The following SLC6A12 variants were observed in gnomAD, a reference collection of about 807,000 sequenced individuals.
The protein encoded by SLC6A12 is solute carrier family 6 member 12, also known as sodium- and chloride-dependent betaine transporter.
SLC6A12 carries 50 observed loss-of-function variants against 73.3 expected under a neutral mutation model. The observed-to-expected ratio is 0.68, with a 90% CI of 0.54 to 0.86. SLC6A12 has a LOEUF of 0.86. SLC6A12 is among the 40% of genes least tolerant of loss of function. SLC6A12 has a pLI of 0.00. For missense variants in SLC6A12, 648 were observed against 772.8 expected, an observed-to-expected ratio of 0.84 and a Z score of 1.92; for synonymous variants, 304 against 309.2, an observed-to-expected ratio of 0.98 and a Z score of 0.18.
rs764327289 is a variant in SLC6A12 at position 197,524 on chromosome 12, G to T, written c.951-23C>A. 3.1e-6 allele frequency: 5 copies of T among 1,606,128 alleles called. No individual in the cohort carries two copies. In the East Asian group the frequency reaches 1.1e-4, roughly 36 times the overall value. On this transcript the variant is annotated intron_variant, in intron 9 of 15. Coordinates refer to ENST00000684302, the MANE Select transcript of SLC6A12 (RefSeq NM_001122848.3). ...TCCCTGTGGGAGTGGGGCAAGGGCA[G>T]ACAGGAACGGGGAGGAAAAGAGAGG...
chr12:191,331 GA>G, intron 15 of SLC6A12, 120 bp from the exon 16 acceptor site: 1 of 813,520 alleles, frequency 1.2e-6, no homozygotes. Context: ...CGCACAGTAT[GA>G]GTGAGTCAAT....
intron 3 of SLC6A12, chr12:204,949 G>A: frequency 2.2e-6 from 1 of 451,974 alleles, no homozygotes; most frequent in Non-Finnish European, 4.0e-6. Context: ...GAAAACTTAG[G>A]TGGAAATTCT....
At chr12:197,620 G>C in intron 9 of SLC6A12, 119 bp from the exon 10 acceptor site, 42 of 965,554 alleles carry the variant, frequency 4.3e-5, no homozygotes, top group Non-Finnish European at 6.2e-5. Context: ...AGAGAAGGGG[G>C]AGGCAAGGGA....
chr12:183,913 G>A, the SLC6A12 span, among the ~76,000 whole-genome samples: 1 of 151,498 alleles, frequency 6.6e-6, no homozygotes, highest in South Asian at 2.1e-4. Context: ...AACTCTTTCA[G>A]AAAAGAGAAA....
At chr12:199,059 G>T in intron 7 of SLC6A12, 128 bp from the exon 8 acceptor site, 1 of 726,862 alleles carries the variant, frequency 1.4e-6, no homozygotes, top group Non-Finnish European at 2.1e-6. Context: ...GAGGGGCTAA[G>T]CACAAGAAAG....
intron 7 of SLC6A12, among the ~76,000 whole-genome samples, chr12:199,371 T>A (rs1375016855): frequency 6.6e-6 from 1 of 152,264 alleles, no homozygotes; most frequent in Non-Finnish European, 1.5e-5. Context: ...TCTTTCTTAA[T>A]CCTTTATCCT....
chr12:206,234 C>G (rs1258471189), intron 3 of SLC6A12, among the ~76,000 whole-genome samples: 1 of 152,210 alleles, frequency 6.6e-6, no homozygotes, highest in Admixed American at 6.5e-5. Flanking sequence ...CACTAACTCC[C>G]CATTCCCCTC....
In SLC6A12 at chr12:198,967, T is replaced by G; in HGVS notation, c.712-36A>C. The G allele has an allele frequency of 6.2e-7, 1 of 1,611,760 alleles. No individual in the cohort carries two copies. The highest frequency in any genetic ancestry group is 1.1e-5 in the South Asian group (1 of 91,004). ...GGGGACAGGCCAAGGTCACTCCTGG[T>G]GGGGACGCAGTGGCCCTCCAGCCAC... is the stretch of plus-strand genomic sequence containing the variant. On this transcript the variant is annotated intron_variant, in intron 7 of 15. Coordinates refer to ENST00000684302, the MANE Select transcript of SLC6A12 (RefSeq NM_001122848.3). The surrounding 1 kb of genome is among the most constrained non-coding windows in gnomAD (Gnocchi z 4.0).
At chr12:189,602 G>A (rs1939509424), downstream of SLC6A12, among the ~76,000 whole-genome samples, 2 of 152,130 alleles carry the variant, frequency 1.3e-5, no homozygotes, top group South Asian at 2.1e-4. Flanking sequence ...CCTCATCCTG[G>A]CTGGCTTCCC....
At chr12:194,865 A>C (rs2083476287) in intron 13 of SLC6A12, among the ~76,000 whole-genome samples, 1 of 152,160 alleles carries the variant, frequency 6.6e-6, no homozygotes, top group Non-Finnish European at 1.5e-5. Flanking sequence ...GCAGTGTGGG[A>C]GTTTGCGGAG....
downstream of SLC6A12, among the ~76,000 whole-genome samples, chr12:188,159 G>A (rs1307928677): frequency 7.2e-5 from 11 of 152,222 alleles, no homozygotes; most frequent in Non-Finnish European, 1.6e-4. Flanking sequence ...TGGGTGCCCT[G>A]GAGCAGGGGG....
chr12:197,616 G>GGGGGAGGCA, intron 9 of SLC6A12, 115 bp from the exon 10 acceptor site: 1 of 1,126,370 alleles, frequency 8.9e-7, no homozygotes. Flanking sequence ...GGAGAGAGAA[G>GGGGGAGGCA]GGGGAGGCAA....
chr12:204,533 CA>C (rs1940519749), intron 4 of SLC6A12, 30 bp downstream of exon 4: 1 of 1,611,136 alleles, frequency 6.2e-7, no homozygotes, highest in African/African-American at 1.3e-5. Flanking sequence ...ATGGCGGCCC[CA>C]TGAAGGGGAA....
At chr12:194,678 TG>T (rs1450276821) in intron 13 of SLC6A12, among the ~76,000 whole-genome samples, 9 of 152,212 alleles carry the variant, frequency 5.9e-5, no homozygotes, top group African/African-American at 2.2e-4. Context: ...GCATTCAGTA[TG>T]GTAGCTATCT....
chr12:201,553 C>T (rs1006936319), intron 6 of SLC6A12: 8 of 560,632 alleles, frequency 1.4e-5, no homozygotes, highest in African/African-American at 5.7e-5. Flanking sequence ...GTGGACATGA[C>T]GGATAAATGT....
At chr12:184,760 A>T in the SLC6A12 span, among the ~76,000 whole-genome samples, 1 of 151,714 alleles carries the variant, frequency 6.6e-6, no homozygotes, top group African/African-American at 2.4e-5. Flanking sequence ...AAAAATAAAT[A>T]AATAAAAAAA....
Position 198,608 on chromosome 12 carries a change from T to G in SLC6A12, c.846+189A>C. The G allele has an allele frequency of 3.5e-6, 2 of 563,932 alleles. No homozygotes were observed. Among genetic ancestry groups the G allele is most frequent in the Non-Finnish European group, 3.0e-6 (1 of 334,466 alleles). The allele number at this position is 563,932 out of a possible 1,614,324, so 34.9% of individuals were successfully genotyped here. ...AAATTTTTTAAGAAAAAAAGTTATA[T>G]TTGAGTGGTGGAATTACAAGAGATT... is the stretch of plus-strand genomic sequence containing the variant. On this transcript the variant is annotated intron_variant, in intron 8 of 15. Transcript: ENST00000684302. This position sits in a 1 kb window ranked among gnomAD's most constrained non-coding sequence, Gnocchi z 4.0.
chr12:204,891 G>A, intron 3 of SLC6A12, 193 bp from the exon 4 acceptor site: 1 of 600,990 alleles, frequency 1.7e-6, no homozygotes, highest in Non-Finnish European at 2.9e-6. Context: ...GGAATGTTCT[G>A]ATCTGAACCC....
chr12:211,330 A>G (rs1483349551), intron 2 of SLC6A12: 1 of 152,260 alleles, frequency 6.6e-6, no homozygotes, highest in East Asian at 1.9e-4. Context: ...GGTAATGGAA[A>G]TTTTTGAAGG....
Sources: allele counts gnomAD v4.1 joint callset (sites outside exome capture counted in the v4.1 genomes callset), GRCh38; gene constraint gnomAD v4.1.1; non-coding constraint Gnocchi (gnomAD v3.1); transcripts MANE v1.5; gene names NCBI Gene and HGNC (gene_info 2026-07-23, HGNC 2026-07-21).